Variants in MRPL47 observed in about 807,000 individuals in gnomAD.
The protein encoded by MRPL47 is mitochondrial ribosomal protein L47, also known as large ribosomal subunit protein uL29m.
In MRPL47, 31 loss-of-function variants were observed where a neutral mutation model predicts 34.0. The ratio of observed to expected loss-of-function variants is 0.91; its 90% CI spans 0.68 to 1.23. The LOEUF (loss-of-function observed/expected upper bound fraction) is 1.23, where lower values mean the gene tolerates loss of function less well. MRPL47 is among the 50% of genes most tolerant of loss of function. MRPL47 has a pLI of 0.00. For synonymous variants in MRPL47, 106 were observed against 101.6 expected (o/e 1.04, Z -0.26); for missense variants, 328 against 285.8 (o/e 1.15, Z -1.07).
Position 179,588,769 on chromosome 3 carries a change from C to T in MRPL47, c.*103G>A, listed in dbSNP as rs1423579580. 9.5e-6 allele frequency: 11 copies of T among 1,156,168 alleles called. No individual in the cohort carries two copies. Among genetic ancestry groups the T allele is most frequent in the Non-Finnish European group, 1.3e-5 (11 of 829,434 alleles). The allele number at this position is 1,156,168 out of a possible 1,614,324, so 71.6% of individuals were successfully genotyped here. A position where few individuals can be genotyped will look rare whatever the true frequency, so the allele number is the denominator to read the frequency against. ...TTAGAACAACTGATTAGTAAAGTCACTTGACTAAAAACAGAATTTCTTTAT... is the reference window on the plus strand; with the variant it reads ...TTAGAACAACTGATTAGTAAAGTCATTTGACTAAAAACAGAATTTCTTTAT... On this transcript the variant is annotated 3_prime_UTR_variant, in exon 7 of 7. Transcript: ENST00000476781.
At chr3:179,591,331 G>A (rs186483878) in intron 6 of MRPL47, among the ~76,000 whole-genome samples, 5 of 152,222 alleles carry the variant, frequency 3.3e-5, no homozygotes, top group Admixed American at 6.5e-5. Flanking sequence ...AGCACCCTTG[G>A]CCCAGGAAAC....
intron 4 of MRPL47, among the ~76,000 whole-genome samples, chr3:179,594,647 TA>T (rs1294419756): frequency 6.6e-6 from 1 of 152,062 alleles, no homozygotes; most frequent in African/African-American, 2.4e-5. Context: ...CACACCCGGC[TA>T]ATTTTTTGTA....
chr3:179,602,319 G>A (rs544114985), intron 2 of MRPL47, among the ~76,000 whole-genome samples: 35 of 152,226 alleles, frequency 2.3e-4, no homozygotes, highest in African/African-American at 8.4e-4. Context: ...ACCCCAGTCT[G>A]GGCAACAAGA....
intron 2 of MRPL47, 117 bp from the exon 3 acceptor site, chr3:179,601,907 C>CT (rs1718935682): frequency 1.5e-6 from 1 of 648,778 alleles, no homozygotes; most frequent in Non-Finnish European, 2.7e-6. Context: ...TATATAACAG[C>CT]TTTTTTATAG....
intron 6 of MRPL47, among the ~76,000 whole-genome samples, chr3:179,590,164 C>A (rs1434630380): frequency 6.6e-6 from 1 of 152,040 alleles, no homozygotes; most frequent in Non-Finnish European, 1.5e-5. Context: ...CATGGTGAAA[C>A]CCTGTCTCTG....
At chr3:179,600,810 T>C (rs780275334) in intron 3 of MRPL47, among the ~76,000 whole-genome samples, 11 of 152,186 alleles carry the variant, frequency 7.2e-5, no homozygotes, top group Non-Finnish European at 1.6e-4. Flanking sequence ...TGTTGCCATG[T>C]AGGAATGCAG....
At position 179,598,737 on chromosome 3, in the gene MRPL47, T is replaced by G. The variant is rs1476589753; in HGVS notation, c.340A>C (p.Thr114Pro). The G allele has an allele frequency of 6.2e-7, 1 of 1,612,650 alleles. No individual in the cohort carries two copies. The highest frequency in any genetic ancestry group is 8.5e-7 in the Non-Finnish European group (1 of 1,178,830). Reference protein sequence around the residue: ...VLLKERNMLLTLEQEAKRQRL... With the variant: ...VLLKERNMLLPLEQEAKRQRL... ...TGCCGCTTGGCCTCCTGCTCTAGGG[T>G]TAGAAGCATGTTTCTTTCTTTCAGT... Residue 114 changes from threonine to proline, a missense_variant, in exon 4 of 7, where the codon ACC becomes CCC. By Grantham distance (38) the Thr-to-Pro change is conservative. Coordinates refer to ENST00000476781, the MANE Select transcript of MRPL47 (RefSeq NM_020409.3).
At chr3:179,597,759 G>C (rs1188857816) in intron 4 of MRPL47, among the ~76,000 whole-genome samples, 3 of 152,086 alleles carry the variant, frequency 2.0e-5, no homozygotes, top group Non-Finnish European at 2.9e-5. Flanking sequence ...AGCAAGCCGA[G>C]ACTGTGCTAT....
intron 3 of MRPL47, 70 bp downstream of exon 3, chr3:179,601,660 T>C (rs112488609): frequency 3.3e-6 from 3 of 917,354 alleles, no homozygotes; most frequent in South Asian, 2.8e-5. Context: ...ATCAGATAGA[T>C]TGTTTTCACC....
chr3:179,593,674 G>T, intron 5 of MRPL47, 91 bp downstream of exon 5: 2 of 1,240,590 alleles, frequency 1.6e-6, no homozygotes, highest in Non-Finnish European at 2.2e-6. Context: ...ATCTCATATG[G>T]TACAAATTTT....
chr3:179,593,991 T>C (rs746088640), intron 4 of MRPL47, 96 bp from the exon 5 acceptor site: 267 of 1,156,256 alleles, frequency 2.3e-4, no homozygotes, highest in South Asian at 3.5e-4. Context: ...AGAAAACTTA[T>C]GAATATTTAT....
chr3:179,588,894 G>C lies in MRPL47; in HGVS notation c.731C>G (p.Ala244Gly). 1 of 1,613,264 alleles carries C rather than the reference G, an allele frequency of 6.2e-7. No individual in the cohort carries two copies. Among genetic ancestry groups the C allele is most frequent in the Non-Finnish European group, 8.5e-7 (1 of 1,179,634 alleles). The stretch of plus-strand genomic sequence containing the variant: ...ATCTTAGACAAGACTTGACTTTTGG[G>C]CTTCAGCAAGATGTGGAAACTTTTT... ...LLKKFPHLAEAQKSSLV is the reference protein window; with the variant it reads ...LLKKFPHLAEGQKSSLV The change falls in exon 7 of 7, where the codon GCC (alanine) becomes GGC (glycine). Residue 244 changes from alanine to glycine, a missense_variant. Physicochemically the swap from Ala to Gly is moderately conservative, Grantham distance 60. Transcript: ENST00000476781.
intron 1 of MRPL47, 96 bp downstream of exon 1, chr3:179,604,431 T>C (rs1576873405): frequency 2.4e-6 from 3 of 1,242,602 alleles, no homozygotes; most frequent in Non-Finnish European, 3.5e-6. Flanking sequence ...AGGCGGCCGT[T>C]CCATTCTTGA....
Position 179,588,913 on chromosome 3 carries a change from A to ACTT in MRPL47, c.709_711dup (p.Lys237dup). 1 of 1,613,782 alleles carries ACTT rather than the reference A, an allele frequency of 6.2e-7. No individual in the cohort carries two copies. Among genetic ancestry groups the ACTT allele is most frequent in the East Asian group, 2.2e-5 (1 of 44,848 alleles). On this transcript the variant is annotated inframe_insertion, in exon 7 of 7. Coordinates refer to ENST00000476781, the MANE Select transcript of MRPL47 (RefSeq NM_020409.3). The stretch of plus-strand genomic sequence containing the variant: ...TTTTGGGCTTCAGCAAGATGTGGAA[A>ACTT]CTTTTTTAAAAGAATTTTTGCTTTC...
chr3:179,601,446 T>A (rs938790883), intron 3 of MRPL47, among the ~76,000 whole-genome samples: 3 of 152,346 alleles, frequency 2.0e-5, no homozygotes, highest in African/African-American at 7.2e-5. Flanking sequence ...CTCTGTTTCA[T>A]TTTATTAATT....
chr3:179,596,974 G>A (rs1017011328), intron 4 of MRPL47, among the ~76,000 whole-genome samples: 9 of 152,164 alleles, frequency 5.9e-5, no homozygotes, highest in African/African-American at 1.7e-4. Flanking sequence ...TTATATAAGG[G>A]AATATCCTGG....
At chr3:179,592,540 AT>A (rs1251639777) in intron 6 of MRPL47, 103 bp downstream of exon 6, 2 of 696,786 alleles carry the variant, frequency 2.9e-6, no homozygotes, top group African/African-American at 3.6e-5. Flanking sequence ...AGAAATTAAA[AT>A]TTAAAGACAG....
In MRPL47 at chr3:179,601,698, C is replaced by T. The variant is rs754665410; in HGVS notation, c.305+32G>A. 18 of 1,347,044 alleles carry T rather than the reference C, an allele frequency of 1.3e-5. 1 individual carries two copies. Among genetic ancestry groups the T allele is most frequent in the South Asian group, 1.3e-4 (11 of 83,690 alleles). The allele number at this position is 1,347,044 out of a possible 1,614,324, so 83.4% of individuals were successfully genotyped here. On this transcript the variant is annotated intron_variant, in intron 3 of 6. Transcript: ENST00000476781. ...ATTGTTACACTATAACGGCTTCAAA[C>T]GTCTAGATGTTAATGTACTTAGTAT...
intron 4 of MRPL47, among the ~76,000 whole-genome samples, chr3:179,597,957 G>A (rs553556109): frequency 6.6e-6 from 1 of 152,304 alleles, no homozygotes; most frequent in African/African-American, 2.4e-5. Context: ...GTAAAAAACT[G>A]ATCTAGTTAC....
Sources: allele counts gnomAD v4.1 joint callset (sites outside exome capture counted in the v4.1 genomes callset), GRCh38; gene constraint gnomAD v4.1.1; transcripts MANE v1.5; gene names NCBI Gene and HGNC (gene_info 2026-07-23, HGNC 2026-07-21).